The following OSBPL6 variants were observed in gnomAD, a reference collection of about 807,000 sequenced individuals.
OSBPL6 encodes the protein oxysterol binding protein like 6.
Under a neutral mutation model 125.8 loss-of-function variants are expected in OSBPL6, and 49 were observed. That is an observed-to-expected ratio of 0.39 (90% confidence interval 0.31 to 0.49). The LOEUF (loss-of-function observed/expected upper bound fraction) is 0.49, where lower values mean the gene tolerates loss of function less well. Among genes scored for constraint, OSBPL6 ranks in the 20% least tolerant of loss-of-function variants. OSBPL6 has a pLI of 0.88. For missense variants in OSBPL6, 986 were observed against 1,135.4 expected (o/e 0.87, Z 1.89); for synonymous variants, 394 against 391.8 (o/e 1.01, Z -0.07).
chr2:178,317,225 A>T (rs1276270058), intron 3 of OSBPL6, among the ~76,000 whole-genome samples: 1 of 151,360 alleles, frequency 6.6e-6, no homozygotes, highest in Non-Finnish European at 1.5e-5. Context: ...ATATTAAAAT[A>T]TAATGAAATT....
rs560036104 is a variant in OSBPL6, at chr2:178,242,614, T to A, written c.-350-42313T>A. Among the ~76,000 whole-genome samples, 14 of 152,290 alleles carry A rather than the reference T, an allele frequency of 9.2e-5. No individual in the cohort carries two copies. In the South Asian group the frequency reaches 1.9e-3, roughly 20 times the overall value. On this transcript the variant is annotated intron_variant, in intron 1 of 24. Transcript: ENST00000190611. ...AATTTGAATTGTGATACTTTAGTTT[T>A]AAAAAAACACCAAAGTCAACCCTGG...
intron 1 of OSBPL6, among the ~76,000 whole-genome samples, chr2:178,217,445 T>G (rs2090137464): frequency 6.6e-6 from 1 of 152,034 alleles, no homozygotes; most frequent in Non-Finnish European, 1.5e-5. Flanking sequence ...TACTCGGGGT[T>G]TTGTCATCGC....
chr2:178,286,363 C>G (rs1243711982), intron 2 of OSBPL6, among the ~76,000 whole-genome samples: 1 of 152,198 alleles, frequency 6.6e-6, no homozygotes, highest in Non-Finnish European at 1.5e-5. Context: ...TTCAAGAGTC[C>G]TGCTTTAAGC....
chr2:178,377,743 CA>C (rs1215976708), intron 15 of OSBPL6, among the ~76,000 whole-genome samples: 1 of 152,218 alleles, frequency 6.6e-6, no homozygotes, highest in African/African-American at 2.4e-5. Flanking sequence ...GACCCTTACT[CA>C]AAGGTCACCT....
intron 2 of OSBPL6, among the ~76,000 whole-genome samples, chr2:178,304,116 C>G (rs984291253): frequency 2.6e-5 from 4 of 152,256 alleles, no homozygotes; most frequent in African/African-American, 7.2e-5. Flanking sequence ...GGCCCTGTCT[C>G]TCTGCTCCCA....
At chr2:178,302,309 A>T (rs77969540) in intron 2 of OSBPL6, among the ~76,000 whole-genome samples, 4,277 of 152,266 alleles carry the variant, frequency 0.028, 189 homozygotes, top group African/African-American at 0.097. Context: ...TGAGTATAGT[A>T]ATTATGTTGG....
At chr2:178,320,541 T>G (rs1688147375) in intron 3 of OSBPL6, 2 of 850,132 alleles carry the variant, frequency 2.4e-6, no homozygotes, top group African/African-American at 1.7e-5. Flanking sequence ...TTATTTAACT[T>G]GCTTACATAA....
At chr2:178,217,455 C>T (rs1462970101) in intron 1 of OSBPL6, among the ~76,000 whole-genome samples, 12 of 152,106 alleles carry the variant, frequency 7.9e-5, no homozygotes, top group Non-Finnish European at 1.5e-4. Context: ...TTTGTCATCG[C>T]ACGCCAGGAA....
chr2:178,363,980 A>G (rs1328559887), intron 13 of OSBPL6, among the ~76,000 whole-genome samples: 1 of 152,184 alleles, frequency 6.6e-6, no homozygotes, highest in Non-Finnish European at 1.5e-5. Flanking sequence ...CCCTCGGCGT[A>G]GTCGCACCCC....
At chr2:178,390,108 T>C (rs1300331609) in intron 21 of OSBPL6, among the ~76,000 whole-genome samples, 1 of 152,244 alleles carries the variant, frequency 6.6e-6, no homozygotes, top group Admixed American at 6.5e-5. Context: ...AGTGCAGTCC[T>C]GTCTCTAACA....
At chr2:178,203,052 A>C (rs1185127477) in intron 1 of OSBPL6, among the ~76,000 whole-genome samples, 1 of 151,934 alleles carries the variant, frequency 6.6e-6, no homozygotes, top group East Asian at 1.9e-4. Context: ...TTTTGTGGGG[A>C]GTCCATGTAC....
At chr2:178,254,946 G>T (rs921102655) in intron 1 of OSBPL6, among the ~76,000 whole-genome samples, 1 of 152,166 alleles carries the variant, frequency 6.6e-6, no homozygotes, top group African/African-American at 2.4e-5. Context: ...GGCTGGGGAG[G>T]CCTCACAATC....
rs1287152557 is a variant in OSBPL6 at position 178,339,663 on chromosome 2, G to A, written c.895-9G>A. The A allele has an allele frequency of 1.3e-6, 2 of 1,582,152 alleles. No individual in the cohort carries two copies. Among genetic ancestry groups the A allele is most frequent in the East Asian group, 2.3e-5 (1 of 43,116 alleles). On this transcript the variant is annotated splice_polypyrimidine_tract_variant and intron_variant, in intron 10 of 24. Transcript: ENST00000190611. ...TACTTTGTTGCTTTTAACTATTTGTGTAATGTAGGCTAACTGTGTAGATAT... is the reference window on the plus strand; with the variant it reads ...TACTTTGTTGCTTTTAACTATTTGTATAATGTAGGCTAACTGTGTAGATAT...
Position 178,396,056 on chromosome 2 carries a change from G to A in OSBPL6, c.*497G>A, listed in dbSNP as rs879535737. ...GTGGTGTGATTGTGCTGGCCTTGTC[G>A]AAAAAGATGTGATGCTTCTCAGAAC... On this transcript the variant is annotated 3_prime_UTR_variant, in exon 25 of 25. Coordinates refer to ENST00000190611, the MANE Select transcript of OSBPL6 (RefSeq NM_032523.4). 8 of 226,598 alleles carry A rather than the reference G, an allele frequency of 3.5e-5. No individual in the cohort carries two copies. The highest frequency in any genetic ancestry group is 1.5e-4 in the Admixed American group (3 of 20,410). The allele number at this position is 226,598 out of a possible 1,614,324, so 14.0% of individuals were successfully genotyped here. A position where few individuals can be genotyped will look rare whatever the true frequency, so the allele number is the denominator to read the frequency against.
chr2:178,231,668 A>G (rs1377120973), intron 1 of OSBPL6, among the ~76,000 whole-genome samples: 1 of 107,918 alleles, frequency 9.3e-6, no homozygotes, highest in Admixed American at 1.1e-4. Flanking sequence ...TTTTTTTGAG[A>G]CAGGGTCTTG....
At chr2:178,311,978 CAAATTAAATTG>C (rs375194527) in intron 3 of OSBPL6, among the ~76,000 whole-genome samples, 22 of 152,164 alleles carry the variant, frequency 1.4e-4, no homozygotes, top group Non-Finnish European at 2.2e-4. Context: ...GAAATGGCGT[CAAATTAAATTG>C]AAATTAAATT....
At chr2:178,333,269 C>T (rs1174203337) in intron 8 of OSBPL6, among the ~76,000 whole-genome samples, 1 of 152,118 alleles carries the variant, frequency 6.6e-6, no homozygotes, top group Non-Finnish European at 1.5e-5. Flanking sequence ...GCTGTAATCC[C>T]AGGTACTCGG....
Position 178,385,495 on chromosome 2 carries a change from A to T in OSBPL6, c.2051A>T (p.Glu684Val). 8.1e-6 allele frequency: 13 copies of T among 1,611,496 alleles called. No individual in the cohort carries two copies. Among genetic ancestry groups the T allele is most frequent in the Non-Finnish European group, 1.1e-5 (13 of 1,178,052 alleles). Reference protein sequence around the residue: ...HHPPISACHCESKNFVFWQDI... With the variant: ...HHPPISACHCVSKNFVFWQDI... ...CCACCCATTTCTGCCTGTCACTGTG[A>T]ATCAAAGAATTTTGTGTTTTGGCAA... is the stretch of plus-strand genomic sequence containing the variant. Residue 684 changes from glutamate to valine, a missense_variant, in exon 19 of 25, where the codon GAA becomes GTA. Coordinates refer to ENST00000190611, the MANE Select transcript of OSBPL6 (RefSeq NM_032523.4).
chr2:178,209,909 G>C lies in OSBPL6; in HGVS notation c.-351+15235G>C, dbSNP rs534179886. Among the ~76,000 whole-genome samples, 8 of 151,694 alleles carry C rather than the reference G, an allele frequency of 5.3e-5. No homozygotes were observed. In the South Asian group the frequency reaches 1.3e-3, roughly 24 times the overall value. On this transcript the variant is annotated intron_variant, in intron 1 of 24. Transcript: ENST00000190611. Reference sequence around the variant, plus strand: ...AACTTAAAAAGCTTCCCAAGACATGGTGCCTTTTTTTCCCGCTTTTCTTTC... The same window carrying C: ...AACTTAAAAAGCTTCCCAAGACATGCTGCCTTTTTTTCCCGCTTTTCTTTC...
Sources: allele counts gnomAD v4.1 joint callset (sites outside exome capture counted in the v4.1 genomes callset), GRCh38; gene constraint gnomAD v4.1.1; transcripts MANE v1.5; gene names NCBI Gene and HGNC (gene_info 2026-07-23, HGNC 2026-07-21).